GSTCD: variants seen among roughly 807,000 people sequenced by gnomAD.
GSTCD encodes glutathione S-transferase C-terminal domain-containing protein.
In GSTCD, 44 loss-of-function variants were observed where a neutral mutation model predicts 68.3. That is an observed-to-expected ratio of 0.64 (90% confidence interval 0.51 to 0.83). GSTCD has a LOEUF of 0.83. Among genes scored for constraint, GSTCD ranks in the 40% least tolerant of loss-of-function variants. The pLI is 0.00. For missense variants in GSTCD, 739 were observed against 735.9 expected (o/e 1.00, Z -0.05); for synonymous variants, 273 against 255.2 (o/e 1.07, Z -0.67).
chr4:105,817,774 A>T (rs1228914517), intron 5 of GSTCD, among the ~76,000 whole-genome samples: 1 of 151,898 alleles, frequency 6.6e-6, no homozygotes, highest in Non-Finnish European at 1.5e-5. Context: ...AAGTCTACTT[A>T]CACAGCTTTA....
intron 5 of GSTCD, among the ~76,000 whole-genome samples, chr4:105,779,653 T>C (rs1293552113): frequency 6.6e-6 from 1 of 152,194 alleles, no homozygotes; most frequent in Non-Finnish European, 1.5e-5. Flanking sequence ...TAGTTATCTA[T>C]GGTATTAAAT....
intron 5 of GSTCD, among the ~76,000 whole-genome samples, chr4:105,809,328 T>C (rs1168312623): frequency 2.6e-5 from 4 of 152,050 alleles, no homozygotes; most frequent in African/African-American, 7.2e-5. Flanking sequence ...TTTCAGTCAT[T>C]CACTGAAGGT....
chr4:105,722,802 G>T (rs1732914446), intron 3 of GSTCD, among the ~76,000 whole-genome samples: 1 of 150,438 alleles, frequency 6.6e-6, no homozygotes, highest in South Asian at 2.1e-4. Flanking sequence ...AAAGAACTCT[G>T]TGATATTTAT....
chr4:105,731,289 A>G (rs1168561293), intron 5 of GSTCD, among the ~76,000 whole-genome samples: 1 of 152,078 alleles, frequency 6.6e-6, no homozygotes, highest in African/African-American at 2.4e-5. Context: ...TAGCTTGATG[A>G]GGATGACATT....
intron 10 of GSTCD, among the ~76,000 whole-genome samples, chr4:105,838,817 T>G (rs1361759110): frequency 6.6e-6 from 1 of 152,224 alleles, no homozygotes; most frequent in African/African-American, 2.4e-5. Flanking sequence ...ATATAAATAA[T>G]TCCATTAGAA....
chr4:105,747,833 T>C (rs908674409), intron 5 of GSTCD, among the ~76,000 whole-genome samples: 1 of 152,082 alleles, frequency 6.6e-6, no homozygotes, highest in Non-Finnish European at 1.5e-5. Context: ...GACTCAAAAC[T>C]AGCACGTTTG....
chr4:105,725,791 A>G (rs1284719656), intron 3 of GSTCD, among the ~76,000 whole-genome samples: 3 of 152,136 alleles, frequency 2.0e-5, no homozygotes, highest in Non-Finnish European at 2.9e-5. Context: ...AAGTTGCTCA[A>G]CATCATTAAT....
At chr4:105,838,723 C>T (rs1724219395) in intron 10 of GSTCD, among the ~76,000 whole-genome samples, 1 of 152,178 alleles carries the variant, frequency 6.6e-6, no homozygotes, top group Non-Finnish European at 1.5e-5. Context: ...CAGTTTCTAG[C>T]TTCCTAAACA....
At chr4:105,769,835 A>C (rs528410469) in intron 5 of GSTCD, among the ~76,000 whole-genome samples, 2 of 152,288 alleles carry the variant, frequency 1.3e-5, no homozygotes, top group East Asian at 3.9e-4. Context: ...AGCTCACTGC[A>C]GCCTCAATCT....
intron 7 of GSTCD, among the ~76,000 whole-genome samples, chr4:105,824,442 G>A (rs1479099829): frequency 6.6e-6 from 1 of 152,136 alleles, no homozygotes; most frequent in African/African-American, 2.4e-5. Context: ...CCAAAAATGA[G>A]TAATCTTGTC....
chr4:105,749,385 T>C (rs889505928), intron 5 of GSTCD, among the ~76,000 whole-genome samples: 9 of 151,884 alleles, frequency 5.9e-5, no homozygotes, highest in Non-Finnish European at 1.3e-4. Context: ...ATTCTAAATT[T>C]TATATGGAAA....
chr4:105,737,589 C>T, intron 5 of GSTCD, among the ~76,000 whole-genome samples: 1 of 152,096 alleles, frequency 6.6e-6, no homozygotes, highest in South Asian at 2.1e-4. Context: ...CTTATATTTT[C>T]TTCTAGTAGT....
chr4:105,794,746 T>A (rs1238479167), intron 5 of GSTCD, among the ~76,000 whole-genome samples: 1 of 151,954 alleles, frequency 6.6e-6, no homozygotes, highest in Non-Finnish European at 1.5e-5. Flanking sequence ...CTGGAGTCTT[T>A]TGCATTTCCA....
chr4:105,718,033 T>C lies in GSTCD; in HGVS notation c.420T>C (p.Cys140=). The C allele has an allele frequency of 6.3e-7, 1 of 1,598,934 alleles. No homozygotes were observed. The highest frequency in any genetic ancestry group is 8.5e-7 in the Non-Finnish European group (1 of 1,174,566). ...TTAAAAAGACTTGCTTGAAAGCCTG[T>C]GCTGAAGTAAGTATAATGTCTTTTT... is the stretch of plus-strand genomic sequence containing the variant. ...LGFKKTCLKA[C]AEVSQWTRLC... is the part of the protein sequence containing the mutation. Residue 140 remains cysteine, a synonymous_variant, in exon 2 of 12, where the codon TGT becomes TGC. Coordinates refer to ENST00000515279, the MANE Select transcript of GSTCD (RefSeq NM_001370181.1).
At chr4:105,795,684 T>C (rs1278997046) in intron 5 of GSTCD, among the ~76,000 whole-genome samples, 2 of 152,116 alleles carry the variant, frequency 1.3e-5, no homozygotes, top group Middle Eastern at 3.2e-3. Flanking sequence ...TTCACATACA[T>C]TTAGGGAGGT....
chr4:105,779,897 A>C (rs558418177), intron 5 of GSTCD, among the ~76,000 whole-genome samples: 1 of 152,332 alleles, frequency 6.6e-6, no homozygotes, highest in Non-Finnish European at 1.5e-5. Context: ...AGTCAGAATT[A>C]ATTTTAAATC....
chr4:105,777,696 A>G (rs2149247489), intron 5 of GSTCD, among the ~76,000 whole-genome samples: 1 of 152,278 alleles, frequency 6.6e-6, no homozygotes, highest in East Asian at 1.9e-4. Flanking sequence ...TAGGCAAGTT[A>G]CTTGCTTTCT....
Position 105,773,311 on chromosome 4 carries a change from C to T in GSTCD, c.1240+43812C>T, listed in dbSNP as rs142031570. ...GTTAATCTTTTCAAAAATCCAGCTC[C>T]TGGATTCATTGATTTTTTTTGAAGG... is the stretch of plus-strand genomic sequence containing the variant. On this transcript the variant is annotated intron_variant, in intron 5 of 11. Coordinates refer to ENST00000515279, the MANE Select transcript of GSTCD (RefSeq NM_001370181.1). Among the ~76,000 whole-genome samples the T allele has an allele frequency of 6.9e-3, 1,055 of 152,186 alleles. 15 individuals are homozygous for T. Among genetic ancestry groups the T allele is most frequent in the African/African-American group, 0.023 (967 of 41,526 alleles).
At position 105,838,652 on chromosome 4, in the gene GSTCD, A is replaced by T. The variant is rs576235066; in HGVS notation, c.1695+763A>T. On this transcript the variant is annotated intron_variant, in intron 10 of 11. Transcript: ENST00000515279. Reference sequence around the variant, plus strand: ...ATGAAGAAACACAAGAGACCCACAGAGAATTGTCTTCCAAAAGTAGTCAGA... The same window carrying T: ...ATGAAGAAACACAAGAGACCCACAGTGAATTGTCTTCCAAAAGTAGTCAGA... Among the ~76,000 whole-genome samples the T allele has an allele frequency of 3.3e-3, 504 of 152,362 alleles. 4 individuals carry two copies. Among genetic ancestry groups the T allele is most frequent in the African/African-American group, 0.011 (472 of 41,592 alleles).
Sources: allele counts gnomAD v4.1 joint callset (sites outside exome capture counted in the v4.1 genomes callset), GRCh38; gene constraint gnomAD v4.1.1; transcripts MANE v1.5; gene names NCBI Gene and HGNC (gene_info 2026-07-23, HGNC 2026-07-21).